The following KDM2A variants were observed in gnomAD, a reference collection of about 807,000 sequenced individuals.
KDM2A encodes the protein lysine demethylase 2A, also known as lysine-specific demethylase 2A.
A neutral mutation model predicts 137.3 loss-of-function variants in KDM2A; 3 were observed. The observed-to-expected ratio is 0.02, with a 90% CI of 0.01 to 0.06. The LOEUF (loss-of-function observed/expected upper bound fraction) is 0.06, where lower values mean the gene tolerates loss of function less well. Among genes scored for constraint, KDM2A ranks in the 10% least tolerant of loss-of-function variants. The pLI, the probability that KDM2A is intolerant of heterozygous loss-of-function variation, is 1.00. For missense variants in KDM2A, 738 were observed against 1,510.6 expected (o/e 0.49, Z 8.48); for synonymous variants, 512 against 541.5 (o/e 0.95, Z 0.76).
chr11:67,153,337 T>C (rs1175938074), intron 2 of KDM2A, among the ~76,000 whole-genome samples: 1 of 152,096 alleles, frequency 6.6e-6, no homozygotes, highest in Non-Finnish European at 1.5e-5. Flanking sequence ...AGGTGATGCT[T>C]TTCTGTCCAA....
At chr11:67,202,889 G>A (rs1221091570) in intron 5 of KDM2A, among the ~76,000 whole-genome samples, 1 of 151,790 alleles carries the variant, frequency 6.6e-6, no homozygotes, top group Non-Finnish European at 1.5e-5. Flanking sequence ...CAGCTACTCC[G>A]GAGGCTAAGG....
rs1341160588 is a variant in KDM2A at position 67,231,957 on chromosome 11, A to G, written c.1476A>G (p.Val492=). The G allele has an allele frequency of 6.2e-7, 1 of 1,610,062 alleles. No homozygotes were observed. Among genetic ancestry groups the G allele is most frequent in the Non-Finnish European group, 8.5e-7 (1 of 1,178,120 alleles). ...ATGAAGATGCTCTCATTGCTGATGTAAAGGTAAGGGTTTGATGTGTTACAT... is the reference window on the plus strand; with the variant it reads ...ATGAAGATGCTCTCATTGCTGATGTGAAGGTAAGGGTTTGATGTGTTACAT... ...IEDEDALIAD[V]KILLEELANS... The change falls in exon 12 of 21, where the codon GTA becomes GTG. Residue 492 remains valine (V), a synonymous_variant. Transcript: ENST00000529006.
chr11:67,184,613 C>A lies in KDM2A; in HGVS notation c.307+2721C>A, dbSNP rs369358044. Among the ~76,000 whole-genome samples, 5 of 152,076 alleles carry A rather than the reference C, an allele frequency of 3.3e-5. No individual in the cohort carries two copies. In the South Asian group the frequency reaches 8.3e-4, roughly 25 times the overall value. On this transcript the variant is annotated intron_variant, in intron 5 of 20. Coordinates refer to ENST00000529006, the MANE Select transcript of KDM2A (RefSeq NM_012308.3). ...CTGCACTCCAGCCTGGGTGACAGAG[C>A]GAGACTCATCTCAAAAAAAGGTGAG...
At chr11:67,236,981 G>T (rs1245261378) in intron 12 of KDM2A, among the ~76,000 whole-genome samples, 2 of 152,172 alleles carry the variant, frequency 1.3e-5, no homozygotes, top group Non-Finnish European at 2.9e-5. Context: ...AGGTTTGTAG[G>T]TGCCTGGCAT....
intron 6 of KDM2A, among the ~76,000 whole-genome samples, chr11:67,210,351 AAAAAC>A (rs1449381376): frequency 1.3e-5 from 2 of 152,166 alleles, no homozygotes; most frequent in African/African-American, 4.8e-5. Context: ...AAAAAAAACA[AAAAAC>A]AAAAACTAAG....
At chr11:67,163,586 G>A (rs1856681134) in intron 2 of KDM2A, among the ~76,000 whole-genome samples, 1 of 152,162 alleles carries the variant, frequency 6.6e-6, no homozygotes, top group Non-Finnish European at 1.5e-5. Flanking sequence ...AGATGCCGTG[G>A]CTCACGCCTG....
At chr11:67,145,077 G>A (rs1223731971) in intron 2 of KDM2A, among the ~76,000 whole-genome samples, 3 of 145,550 alleles carry the variant, frequency 2.1e-5, no homozygotes, top group Admixed American at 6.8e-5. Flanking sequence ...TCACCATGTT[G>A]GCCAGGCGGG....
In KDM2A at chr11:67,252,832, G is replaced by A. The variant is rs543641844; in HGVS notation, c.2907G>A (p.Leu969=). 2 of 1,610,266 alleles carry A rather than the reference G, an allele frequency of 1.2e-6. No individual in the cohort carries two copies. Among genetic ancestry groups the A allele is most frequent in the African/African-American group, 1.3e-5 (1 of 74,984 alleles). ...LSWTNISKKQ[L]TWLVNRLPGL... ...GGACCAACATCTCTAAAAAGCAACT[G>A]ACATGGCTCGTCAATAGGCTGCCAG... The change falls in exon 18 of 21, where the codon CTG becomes CTA. Residue 969 remains leucine, a synonymous_variant. Coordinates refer to ENST00000529006, the MANE Select transcript of KDM2A (RefSeq NM_012308.3).
intron 10 of KDM2A, among the ~76,000 whole-genome samples, chr11:67,221,700 G>T (rs1195628194): frequency 6.6e-6 from 1 of 151,956 alleles, no homozygotes; most frequent in Admixed American, 6.6e-5. Flanking sequence ...TCAGGCACAG[G>T]GGCTCATACC....
intron 11 of KDM2A, among the ~76,000 whole-genome samples, chr11:67,229,541 T>C (rs1014147471): frequency 3.3e-5 from 5 of 152,224 alleles, no homozygotes; most frequent in Non-Finnish European, 4.4e-5. Flanking sequence ...TTACTTTTAC[T>C]GCATAATTTT....
At chr11:67,171,482 G>A (rs1233765426) in intron 2 of KDM2A, among the ~76,000 whole-genome samples, 4 of 59,162 alleles carry the variant, frequency 6.8e-5, no homozygotes, top group Non-Finnish European at 4.6e-4. Flanking sequence ...AGGGAAAGTT[G>A]AGATCTGAGA....
At chr11:67,198,802 G>A (rs540765538) in intron 5 of KDM2A, among the ~76,000 whole-genome samples, 10 of 143,604 alleles carry the variant, frequency 7.0e-5, no homozygotes, top group South Asian at 2.1e-4. Context: ...TGTTTTTGAC[G>A]GAGTCTCACT....
rs1415301487 is a variant in KDM2A at position 67,243,028 on chromosome 11, C to G, written c.1499C>G (p.Ala500Gly). 6.2e-7 allele frequency: 1 copy of G among 1,613,660 alleles called. No homozygotes were observed. Among genetic ancestry groups the G allele is most frequent in the Non-Finnish European group, 8.5e-7 (1 of 1,179,682 alleles). The change falls in exon 13 of 21, where the codon GCC (alanine) becomes GGC (glycine). Residue 500 changes from alanine (A) to glycine (G), a missense_variant. Transcript: ENST00000529006. ...ADVKILLEEL[A>G]NSDPKLALTG... ...CCTTAGATTTTGCTGGAGGAGCTTG[C>G]CAACAGCGATCCCAAGTTAGCCCTC...
At chr11:67,247,552 T>C (rs898475534) in intron 15 of KDM2A, among the ~76,000 whole-genome samples, 1 of 150,402 alleles carries the variant, frequency 6.6e-6, no homozygotes, top group Non-Finnish European at 1.5e-5. Flanking sequence ...CTCAGCCTCC[T>C]GAGTAGCTGG....
intron 18 of KDM2A, 114 bp downstream of exon 18, chr11:67,252,971 T>G: frequency 1.8e-6 from 2 of 1,137,406 alleles, no homozygotes; most frequent in South Asian, 3.2e-5. Context: ...AGGGCAGCAG[T>G]CCCATGCCAT....
intron 2 of KDM2A, among the ~76,000 whole-genome samples, chr11:67,151,343 ATATTTTATTTAT>A (rs1180260301): frequency 3.3e-5 from 5 of 151,822 alleles, no homozygotes; most frequent in South Asian, 4.2e-4. Context: ...TACACACCAC[ATATTTTATTTAT>A]TATTTTATTT....
chr11:67,215,552 A>G, intron 7 of KDM2A, 106 bp downstream of exon 7: 1 of 735,742 alleles, frequency 1.4e-6, no homozygotes, highest in Non-Finnish European at 2.4e-6. Context: ...TGAATGATTA[A>G]AAAGATGAAT....
intron 5 of KDM2A, among the ~76,000 whole-genome samples, chr11:67,194,276 G>A (rs186280826): frequency 3.0e-4 from 46 of 152,242 alleles, no homozygotes; most frequent in Non-Finnish European, 5.6e-4. Flanking sequence ...TTCCCAAACT[G>A]GGGGAGGGTG....
intron 2 of KDM2A, among the ~76,000 whole-genome samples, chr11:67,168,184 A>G (rs975492427): frequency 2.0e-5 from 3 of 152,152 alleles, no homozygotes; most frequent in Non-Finnish European, 4.4e-5. Flanking sequence ...GAAACCCCCT[A>G]AAATTTGAAG....
Sources: gnomAD v4.1 joint callset for allele counts (sites outside exome capture counted in the v4.1 genomes callset) on GRCh38, gnomAD v4.1.1 for gene constraint, MANE v1.5 for transcripts, NCBI Gene and HGNC (gene_info 2026-07-23, HGNC 2026-07-21) for gene names.